NRXN3: variants seen among roughly 807,000 people sequenced by gnomAD.
NRXN3 encodes the protein neurexin 3.
A neutral mutation model predicts 137.6 loss-of-function variants in NRXN3; 32 were observed. The observed-to-expected ratio is 0.23, with a 90% CI of 0.18 to 0.31. The LOEUF (loss-of-function observed/expected upper bound fraction) is 0.31, where lower values mean the gene tolerates loss of function less well. Among genes scored for constraint, NRXN3 ranks in the 10% least tolerant of loss-of-function variants. The pLI is 1.00. For synonymous variants in NRXN3, 798 were observed against 784.5 expected, an observed-to-expected ratio of 1.02 and a Z score of -0.29; for missense variants, 1,574 against 2,062.5, an observed-to-expected ratio of 0.76 and a Z score of 4.59.
intron 15 of NRXN3, among the ~76,000 whole-genome samples, chr14:79,098,671 G>A (rs1595935817): frequency 6.6e-6 from 1 of 152,294 alleles, no homozygotes; most frequent in East Asian, 1.9e-4. Context: ...AGAACTCAGA[G>A]CAGTGCTTCC....
rs138332808 is a variant in NRXN3, at chr14:79,631,313, C to G, written c.3445-32465C>G. ...GAGAGGTGACAACGTGCTAGCAGCC[C>G]TCGCTCGCTCTTGGCGCCTCCTCGG... On this transcript the variant is annotated intron_variant, in intron 16 of 20. Transcript: ENST00000335750. Among the ~76,000 whole-genome samples, 554 of 152,372 alleles carry G rather than the reference C, an allele frequency of 3.6e-3. 3 individuals carry two copies. The highest frequency in any genetic ancestry group is 0.014 in the Middle Eastern group (4 of 294).
At chr14:79,129,034 CA>C (rs1203439108) in intron 15 of NRXN3, among the ~76,000 whole-genome samples, 1 of 152,144 alleles carries the variant, frequency 6.6e-6, no homozygotes, top group Non-Finnish European at 1.5e-5. Flanking sequence ...TCCCCTTTAT[CA>C]TTTTTTATTG....
chr14:78,678,313 T>G (rs2098031748), intron 6 of NRXN3, among the ~76,000 whole-genome samples: 1 of 151,600 alleles, frequency 6.6e-6, no homozygotes, highest in Non-Finnish European at 1.5e-5. Flanking sequence ...TACTTCATGC[T>G]CCATACTTTT....
At chr14:78,349,608 C>G (rs1387482881) in intron 4 of NRXN3, among the ~76,000 whole-genome samples, 1 of 152,170 alleles carries the variant, frequency 6.6e-6, no homozygotes, top group African/African-American at 2.4e-5. Context: ...TAGTTATAGG[C>G]TTTCAGTTGC....
In NRXN3 at chr14:78,794,575, G is replaced by T. The variant is rs139016416; in HGVS notation, c.2045-9045G>T. On this transcript the variant is annotated intron_variant, in intron 8 of 20. Coordinates refer to ENST00000335750, the MANE Select transcript of NRXN3 (RefSeq NM_001330195.2). The stretch of plus-strand genomic sequence containing the variant: ...TAGTTTAATTAAAGTAGTACATATA[G>T]ATTTTCCTCTAAAGAGTTTGTCTAT... 3.0e-3 allele frequency among the ~76,000 whole-genome samples: 457 copies of T among 151,272 alleles called. 2 individuals are homozygous for T. Among genetic ancestry groups the T allele is most frequent in the African/African-American group, 1.0e-2 (410 of 41,128 alleles).
At chr14:78,172,416 T>C (rs1417305041) in intron 1 of NRXN3, among the ~76,000 whole-genome samples, 3 of 152,162 alleles carry the variant, frequency 2.0e-5, no homozygotes, top group Non-Finnish European at 4.4e-5. Flanking sequence ...TAAGGGCTAC[T>C]GGGTATGTGG....
At chr14:78,590,409 G>C (rs2097106118) in intron 4 of NRXN3, among the ~76,000 whole-genome samples, 1 of 152,126 alleles carries the variant, frequency 6.6e-6, no homozygotes, top group East Asian at 1.9e-4. Flanking sequence ...GTAAATGACT[G>C]GATATTCCAG....
chr14:79,567,850 T>C (rs1159111224), intron 16 of NRXN3, among the ~76,000 whole-genome samples: 1 of 152,080 alleles, frequency 6.6e-6, no homozygotes, highest in African/African-American at 2.4e-5. Flanking sequence ...CACTGGCCCA[T>C]GAAACACTCA....
chr14:79,056,797 A>T (rs567720064), intron 15 of NRXN3, among the ~76,000 whole-genome samples: 3 of 152,244 alleles, frequency 2.0e-5, no homozygotes, highest in Admixed American at 6.5e-5. Flanking sequence ...GGCATAAGGC[A>T]ATAAGTACTG....
Position 78,598,367 on chromosome 14 carries a change from G to T in NRXN3, c.758-46753G>T, listed in dbSNP as rs575340755. ...AGCACAACTCCTGACCTGAGATTCTGCAGAGAGAGAGAGAGAGGGAGGGAG... is the reference window on the plus strand; with the variant it reads ...AGCACAACTCCTGACCTGAGATTCTTCAGAGAGAGAGAGAGAGGGAGGGAG... On this transcript the variant is annotated intron_variant, in intron 4 of 20. Transcript: ENST00000335750. Among the ~76,000 whole-genome samples, 439 of 151,260 alleles carry T rather than the reference G, an allele frequency of 2.9e-3. 2 individuals are homozygous for T. Among genetic ancestry groups the T allele is most frequent in the Non-Finnish European group, 4.4e-3 (298 of 67,674 alleles).
At chr14:79,670,786 A>T (rs1286114042) in intron 17 of NRXN3, among the ~76,000 whole-genome samples, 2 of 152,020 alleles carry the variant, frequency 1.3e-5, no homozygotes, top group Non-Finnish European at 2.9e-5. Context: ...TAATAATTGT[A>T]CCTGCAGGTG....
chr14:78,967,085 A>G, intron 12 of NRXN3, 123 bp from the exon 13 acceptor site: 2 of 740,922 alleles, frequency 2.7e-6, no homozygotes, highest in Non-Finnish European at 4.3e-6. Context: ...GATTTAAATT[A>G]TTCCTGCATT....
At chr14:78,632,536 G>A (rs1467731257) in intron 4 of NRXN3, among the ~76,000 whole-genome samples, 1 of 152,162 alleles carries the variant, frequency 6.6e-6, no homozygotes, top group Non-Finnish European at 1.5e-5. Context: ...ATAGTCTTTG[G>A]AGGTTAACAT....
intron 16 of NRXN3, among the ~76,000 whole-genome samples, chr14:79,517,950 G>C (rs1567360099): frequency 8.1e-6 from 1 of 123,230 alleles, no homozygotes; most frequent in Admixed American, 1.0e-4. Context: ...TTGTCATCCA[G>C]GCTGGAGTAC....
chr14:79,690,685 T>G (rs1442793816), intron 17 of NRXN3, among the ~76,000 whole-genome samples: 1 of 152,054 alleles, frequency 6.6e-6, no homozygotes, highest in East Asian at 1.9e-4. Flanking sequence ...GGGAACCTTG[T>G]GAACATCCTC....
chr14:78,605,673 A>G (rs2097244485), intron 4 of NRXN3, among the ~76,000 whole-genome samples: 1 of 152,198 alleles, frequency 6.6e-6, no homozygotes, highest in Non-Finnish European at 1.5e-5. Context: ...AACAGAAGCC[A>G]GAAGTGCTAT....
intron 2 of NRXN3, among the ~76,000 whole-genome samples, chr14:78,245,696 G>A (rs2067571421): frequency 6.6e-6 from 1 of 152,192 alleles, no homozygotes; most frequent in Non-Finnish European, 1.5e-5. Context: ...ACATATCAGA[G>A]GTCTTGTCAT....
In NRXN3 at chr14:79,862,088, C is replaced by T. The variant is rs971456990; in HGVS notation, c.*124C>T. 29 of 812,578 alleles carry T rather than the reference C, an allele frequency of 3.6e-5. No homozygotes were observed. In the African/African-American group the frequency reaches 4.3e-4, roughly 12 times the overall value. The allele number at this position is 812,578 out of a possible 1,614,324, so 50.3% of individuals were successfully genotyped here. A position where few individuals can be genotyped will look rare whatever the true frequency, so the allele number is the denominator to read the frequency against. On this transcript the variant is annotated 3_prime_UTR_variant, in exon 21 of 21. Coordinates refer to ENST00000335750, the MANE Select transcript of NRXN3 (RefSeq NM_001330195.2). Reference sequence around the variant, plus strand: ...AACTATGAAATGGGGTATATAACCACGACTCTGGTGGGGAAAACCGTTTTT... The same window carrying T: ...AACTATGAAATGGGGTATATAACCATGACTCTGGTGGGGAAAACCGTTTTT...
intron 15 of NRXN3, among the ~76,000 whole-genome samples, chr14:79,192,388 C>T (rs4899736): frequency 0.54 from 82,182 of 151,970 alleles, 24,084 homozygotes; most frequent in South Asian, 0.69. Context: ...TCTTGTCTCA[C>T]CGAGGAACCA....
Sources: allele counts gnomAD v4.1 joint callset (sites outside exome capture counted in the v4.1 genomes callset), GRCh38; gene constraint gnomAD v4.1.1; transcripts MANE v1.5; gene names NCBI Gene and HGNC (gene_info 2026-07-23, HGNC 2026-07-21).